The following THSD4 variants were observed in gnomAD, a reference collection of about 807,000 sequenced individuals.
THSD4 encodes the protein thrombospondin type 1 domain containing 4.
In THSD4, 69 loss-of-function variants were observed where a neutral mutation model predicts 119.0. That is an observed-to-expected ratio of 0.58 (90% CI 0.48 to 0.71). The LOEUF is 0.71. THSD4 is among the 30% of genes least tolerant of loss of function. The probability of loss-of-function intolerance (pLI) is 0.00; values close to 1 mark genes in which losing one functional copy is unlikely to be tolerated. For synonymous variants in THSD4, 524 were observed against 540.4 expected (o/e 0.97, Z 0.42); for missense variants, 1,393 against 1,391.1 (o/e 1.00, Z -0.02).
intron 3 of THSD4, among the ~76,000 whole-genome samples, chr15:71,156,442 G>T (rs1037040621): frequency 6.6e-6 from 1 of 151,370 alleles, no homozygotes; most frequent in African/African-American, 2.4e-5. Context: ...TGTATGATCA[G>T]TAGAGACAGT....
Position 71,783,293 on chromosome 15 carries a change from G to A in THSD4, c.*5919G>A, listed in dbSNP as rs1460099753. The A allele has an allele frequency of 3.3e-5, 5 of 152,198 alleles. No homozygotes were observed. The highest frequency in any genetic ancestry group is 2.1e-4 in the South Asian group (1 of 4,818). 9.4% of individuals were successfully genotyped at this position (152,198 alleles called of 1,614,324 possible). ...TGAAATATCTGCTTTGTTGACAAGCGTGTGCTTTCTCTGGCCTTATTCGCG... is the reference window on the plus strand; with the variant it reads ...TGAAATATCTGCTTTGTTGACAAGCATGTGCTTTCTCTGGCCTTATTCGCG... On this transcript the variant is annotated 3_prime_UTR_variant, in exon 18 of 18. Coordinates refer to ENST00000261862, the MANE Select transcript of THSD4 (RefSeq NM_024817.3).
At chr15:71,638,720 C>T (rs1306485994) in intron 7 of THSD4, among the ~76,000 whole-genome samples, 1 of 152,148 alleles carries the variant, frequency 6.6e-6, no homozygotes, top group Admixed American at 6.5e-5. Flanking sequence ...TAGTCTTTGT[C>T]ATGAAATTCT....
chr15:71,655,842 C>A (rs915049920), intron 7 of THSD4, among the ~76,000 whole-genome samples: 1 of 152,192 alleles, frequency 6.6e-6, no homozygotes, highest in African/African-American at 2.4e-5. Flanking sequence ...GATACACAAA[C>A]CAGAATTCAA....
rs183192255 is a variant in THSD4, at chr15:71,782,897, T to G, written c.*5523T>G. On this transcript the variant is annotated 3_prime_UTR_variant, in exon 18 of 18. Transcript: ENST00000261862. The stretch of plus-strand genomic sequence containing the variant: ...CCCTTTCTCTTTGCTTTGTCCCCGT[T>G]GTTAGACTGGCAGCGTCAGTTGCTC... The G allele has an allele frequency of 7.9e-5, 12 of 152,406 alleles. No individual in the cohort carries two copies. The highest frequency in any genetic ancestry group is 2.9e-4 in the African/African-American group (12 of 41,570). 9.4% of individuals were successfully genotyped at this position (152,406 alleles called of 1,614,324 possible). A position where few individuals can be genotyped will look rare whatever the true frequency, so the allele number is the denominator to read the frequency against.
chr15:71,429,963 T>C (rs2046920579), intron 7 of THSD4, among the ~76,000 whole-genome samples: 1 of 152,190 alleles, frequency 6.6e-6, no homozygotes, highest in East Asian at 1.9e-4. Flanking sequence ...CAAACATTAA[T>C]GTCTGAGGTG....
chr15:71,575,822 G>T lies in THSD4; in HGVS notation c.1153-84708G>T, dbSNP rs1254751551. On this transcript the variant is annotated intron_variant, in intron 7 of 17. Coordinates refer to ENST00000261862, the MANE Select transcript of THSD4 (RefSeq NM_024817.3). ...ATGGTGTTGAGTGTACAAATATTTG[G>T]CAAAGGAATGAAAAAAGTTAGAAAG... Among the ~76,000 whole-genome samples, 3 of 145,976 alleles carry T rather than the reference G, an allele frequency of 2.1e-5. No individual in the cohort carries two copies. The South Asian group carries it at 6.9e-4, about 34-fold the overall frequency.
At chr15:71,190,336 C>T (rs2043660351) in intron 3 of THSD4, among the ~76,000 whole-genome samples, 1 of 152,160 alleles carries the variant, frequency 6.6e-6, no homozygotes, top group Non-Finnish European at 1.5e-5. Context: ...GGGAGTGGTT[C>T]TTGACATTGG....
chr15:71,143,377 G>C, intron 2 of THSD4, among the ~76,000 whole-genome samples: 1 of 152,144 alleles, frequency 6.6e-6, no homozygotes, highest in East Asian at 1.9e-4. Flanking sequence ...CTATAGGGTA[G>C]TGAGAAATGC....
At chr15:71,097,254 T>C (rs569465874) in intron 1 of THSD4, among the ~76,000 whole-genome samples, 1 of 152,164 alleles carries the variant, frequency 6.6e-6, no homozygotes, top group African/African-American at 2.4e-5. Context: ...GCTTCAAAAA[T>C]ATGTTATTAA....
Position 71,458,862 on chromosome 15 carries a change from A to G in THSD4, c.1152+47039A>G, listed in dbSNP as rs77470197. ...GCAACTTTAGGTTATAGTCTTTCAC[A>G]CAGAATTTTTAAAAACAAAAACTTA... On this transcript the variant is annotated intron_variant, in intron 7 of 17. Coordinates refer to ENST00000261862, the MANE Select transcript of THSD4 (RefSeq NM_024817.3). 2.7e-3 allele frequency among the ~76,000 whole-genome samples: 407 copies of G among 152,350 alleles called. 4 individuals are homozygous for G. Among genetic ancestry groups the G allele is most frequent in the African/African-American group, 9.2e-3 (383 of 41,586 alleles).
At chr15:71,757,424 TA>T (rs58441118) in intron 14 of THSD4, among the ~76,000 whole-genome samples, 26,719 of 147,400 alleles carry the variant, frequency 0.18, 4,448 homozygotes, top group African/African-American at 0.47. Context: ...AATATATATA[TA>T]TTTTTTTATT....
intron 6 of THSD4, among the ~76,000 whole-genome samples, chr15:71,396,898 G>A (rs1021580195): frequency 6.6e-6 from 1 of 152,168 alleles, no homozygotes; most frequent in African/African-American, 2.4e-5. Flanking sequence ...TTCAGAAAAA[G>A]GTTGGGTAAC....
At position 71,563,446 on chromosome 15, in the gene THSD4, A is replaced by C. The variant is rs75057663; in HGVS notation, c.1153-97084A>C. 5.0e-3 allele frequency among the ~76,000 whole-genome samples: 769 copies of C among 152,346 alleles called. 9 individuals carry two copies. Among genetic ancestry groups the C allele is most frequent in the African/African-American group, 0.018 (733 of 41,566 alleles). ...TGAAAACATCTAAGAACTACGTGTA[A>C]GCACTTCGGGATAGTCAGGTAAAGG... On this transcript the variant is annotated intron_variant, in intron 7 of 17. Coordinates refer to ENST00000261862, the MANE Select transcript of THSD4 (RefSeq NM_024817.3).
At chr15:71,539,112 G>A (rs1051461045) in intron 7 of THSD4, among the ~76,000 whole-genome samples, 1 of 152,236 alleles carries the variant, frequency 6.6e-6, no homozygotes, top group African/African-American at 2.4e-5. Flanking sequence ...TCTCATGATT[G>A]TCCTTATCTT....
chr15:71,246,158 G>T (rs1178566162), intron 5 of THSD4, among the ~76,000 whole-genome samples: 1 of 152,136 alleles, frequency 6.6e-6, no homozygotes, highest in Non-Finnish European at 1.5e-5. Context: ...TGTAAAGTGG[G>T]CTAATGATCC....
rs147661785 is a variant in THSD4, at chr15:71,273,090, A to G, written c.1015+16375A>G. Among the ~76,000 whole-genome samples the G allele has an allele frequency of 2.8e-3, 432 of 152,344 alleles. 3 individuals are homozygous for G. Among genetic ancestry groups the G allele is most frequent in the African/African-American group, 9.9e-3 (412 of 41,572 alleles). On this transcript the variant is annotated intron_variant, in intron 6 of 17. Transcript: ENST00000261862. Reference sequence around the variant, plus strand: ...AGCAGTGTGTTGATGAGACGTCTGCACTTTCATGTTCACTGCAGCGTTATT... The same window carrying G: ...AGCAGTGTGTTGATGAGACGTCTGCGCTTTCATGTTCACTGCAGCGTTATT...
intron 7 of THSD4, among the ~76,000 whole-genome samples, chr15:71,544,674 G>T (rs2048810601): frequency 6.6e-6 from 1 of 152,156 alleles, no homozygotes; most frequent in Non-Finnish European, 1.5e-5. Flanking sequence ...TAAAAGAATT[G>T]AAAGCAGGGA....
At chr15:71,177,892 A>G (rs1211065146) in intron 3 of THSD4, among the ~76,000 whole-genome samples, 1 of 149,366 alleles carries the variant, frequency 6.7e-6, no homozygotes, top group Non-Finnish European at 1.5e-5. Flanking sequence ...CAAAAACCAC[A>G]TGATTATCTC....
intron 3 of THSD4, among the ~76,000 whole-genome samples, chr15:71,173,170 C>T (rs900069650): frequency 1.3e-5 from 2 of 151,412 alleles, no homozygotes; most frequent in African/African-American, 4.9e-5. Context: ...ATGAATTCAC[C>T]AAAGTAGCAG....
Sources: gnomAD v4.1 joint callset for allele counts (sites outside exome capture counted in the v4.1 genomes callset) on GRCh38, gnomAD v4.1.1 for gene constraint, MANE v1.5 for transcripts, NCBI Gene and HGNC (gene_info 2026-07-23, HGNC 2026-07-21) for gene names.